MID1: variants seen among roughly 807,000 people sequenced by gnomAD.
MID1 encodes E3 ubiquitin-protein ligase Midline-1.
In MID1, 7 loss-of-function variants were observed where a neutral mutation model predicts 40.4. The ratio of observed to expected loss-of-function variants is 0.17; its 90% confidence interval spans 0.10 to 0.33. The LOEUF (loss-of-function observed/expected upper bound fraction) is 0.33, where lower values mean the gene tolerates loss of function less well. Among genes scored for constraint, MID1 ranks in the 10% least tolerant of loss-of-function variants. The pLI is 1.00. For synonymous variants in MID1, 229 were observed against 221.2 expected (o/e 1.04, Z -0.31); for missense variants, 367 against 558.5 (o/e 0.66, Z 3.46).
chrX:10,664,805 C>T (rs1310266173), intron 1 of MID1, among the ~76,000 whole-genome samples: 1 of 112,133 alleles, frequency 8.9e-6, no homozygotes, highest in Non-Finnish European at 1.9e-5. Context: ...TTCTTGCACA[C>T]ACTTCTGGGT....
At chrX:10,817,560 CTTT>C in intron 1 of MID1, among the ~76,000 whole-genome samples, 1 of 93,509 alleles carries the variant, frequency 1.1e-5, no homozygotes, top group Non-Finnish European at 2.1e-5. Context: ...TTCTTTCTTT[CTTT>C]CTTTCTTTCT....
At chrX:10,766,637 G>A (rs2043731512) in intron 1 of MID1, among the ~76,000 whole-genome samples, 1 of 111,995 alleles carries the variant, frequency 8.9e-6, no homozygotes, top group African/African-American at 3.2e-5. Flanking sequence ...GAACTGGGTA[G>A]GGCTGGACAT....
chrX:10,594,320 T>G (rs765540165), intron 1 of MID1, among the ~76,000 whole-genome samples: 3 of 111,757 alleles, frequency 2.7e-5, no homozygotes, highest in African/African-American at 9.8e-5. Context: ...TGTCCTTCTA[T>G]CTGTACTGTC....
In MID1 at chrX:10,821,652, A is replaced by G. The variant is rs781373509; in HGVS notation, c.-187+11902T>C. ...ATTTTTAGCATCCACCAGCTCAAACACAATGCCCGTGTTTGTCTCATTTCT... is the reference window on the plus strand; with the variant it reads ...ATTTTTAGCATCCACCAGCTCAAACGCAATGCCCGTGTTTGTCTCATTTCT... On this transcript the variant is annotated intron_variant, in intron 1 of 10. Transcript: ENST00000380785. Among the ~76,000 whole-genome samples the G allele has an allele frequency of 6.2e-5, 7 of 112,658 alleles. No homozygotes were observed. In the East Asian group the frequency reaches 1.9e-3, roughly 31 times the overall value.
chrX:10,522,782 CA>C (rs1159200483), intron 3 of MID1, among the ~76,000 whole-genome samples: 1 of 112,107 alleles, frequency 8.9e-6, no homozygotes, highest in East Asian at 2.8e-4. Context: ...AGGCGTGAGC[CA>C]CCACGCCCGG....
chrX:10,788,856 T>C (rs1421458035), intron 1 of MID1, among the ~76,000 whole-genome samples: 1 of 112,317 alleles, frequency 8.9e-6, no homozygotes, highest in Non-Finnish European at 1.9e-5. Context: ...TTCAGTCGGA[T>C]GTGGCGGCTT....
intron 1 of MID1, among the ~76,000 whole-genome samples, chrX:10,798,181 G>A (rs1289676726): frequency 5.4e-5 from 6 of 111,914 alleles, no homozygotes; most frequent in Non-Finnish European, 1.1e-4. Flanking sequence ...ATTCTCCAAA[G>A]CTCCACTCCC....
chrX:10,600,224 G>A (rs933041669), intron 1 of MID1, among the ~76,000 whole-genome samples: 3 of 110,562 alleles, frequency 2.7e-5, no homozygotes, highest in African/African-American at 6.6e-5. Flanking sequence ...ATTTTGGGTG[G>A]CTGAGGTGGG....
upstream of MID1, among the ~76,000 whole-genome samples, chrX:10,625,461 G>T (rs1273745443): frequency 8.9e-6 from 1 of 112,444 alleles, no homozygotes; most frequent in Non-Finnish European, 1.9e-5. Context: ...TATATCCATT[G>T]CAACAACAAG....
intron 7 of MID1, among the ~76,000 whole-genome samples, chrX:10,465,214 T>TATATATATATATACACACACACAC (rs1477864693): frequency 5.0e-5 from 2 of 39,900 alleles, no homozygotes; most frequent in Non-Finnish European, 8.3e-5. Context: ...TATATATATA[T>TATATATATATATACACACACACAC]ACACACACAC....
chrX:10,536,022 C>T (rs1167769066), intron 2 of MID1, among the ~76,000 whole-genome samples: 1 of 108,688 alleles, frequency 9.2e-6, no homozygotes, highest in Non-Finnish European at 1.9e-5. Flanking sequence ...GAGTTTGAGA[C>T]CAGCCTGGGC....
Position 10,613,766 on chromosome X carries a change from G to C in MID1, c.-57+6524C>G, listed in dbSNP as rs181372657. On this transcript the variant is annotated intron_variant, in intron 1 of 9. Coordinates refer to ENST00000317552, the MANE Select transcript of MID1 (RefSeq NM_000381.4). The stretch of plus-strand genomic sequence containing the variant: ...AGAGAGAGAGAGAGAGAGAGAGAGA[G>C]AGACAGACAGACAGACAGACAGACA... Among the ~76,000 whole-genome samples the C allele has an allele frequency of 6.0e-3, 450 of 75,437 alleles. 2 individuals carry two copies. Among genetic ancestry groups the C allele is most frequent in the Non-Finnish European group, 7.7e-3 (319 of 41,214 alleles). The allele number at this position is 75,437 out of a possible 115,157, so 65.5% of individuals were successfully genotyped here.
intron 1 of MID1, among the ~76,000 whole-genome samples, chrX:10,601,575 G>A (rs1935519267): frequency 9.0e-6 from 1 of 111,551 alleles, no homozygotes; most frequent in Admixed American, 9.5e-5. Flanking sequence ...ATGAACAAGG[G>A]TGCTGACCCC....
At chrX:10,636,151 G>C (rs1384891967) in intron 1 of MID1, among the ~76,000 whole-genome samples, 1 of 112,062 alleles carries the variant, frequency 8.9e-6, no homozygotes, top group Non-Finnish European at 1.9e-5. Flanking sequence ...TAGAAACCAT[G>C]TGGAAGTAAG....
At chrX:10,696,744 G>A (rs1738289554) in intron 1 of MID1, among the ~76,000 whole-genome samples, 2 of 112,070 alleles carry the variant, frequency 1.8e-5, no homozygotes, top group Admixed American at 9.5e-5. Context: ...TAATACATAT[G>A]TGGCTGGCAT....
In MID1 at chrX:10,482,616, G is replaced by T; in HGVS notation, c.877C>A (p.Arg293Ser). 8.3e-7 allele frequency: 1 copy of T among 1,210,484 alleles called. No individual in the cohort carries two copies. The highest frequency in any genetic ancestry group is 3.0e-5 in the East Asian group (1 of 33,838). Residue 293 changes from arginine to serine, a missense_variant, in exon 5 of 10, where the codon CGC (arginine) becomes AGC (serine). Physicochemically the swap from Arg to Ser is moderately radical, Grantham distance 110 (BLOSUM62 -1). This residue lies in a region of MID1 where 275 missense variants were observed against 383.1 expected (regional missense o/e 0.72). Transcript: ENST00000317552. ...TTTGCAATCTGCTGAGCCAGTTTGCGAAGCCTCATCACCTTGAACAAAAGA... is the reference window on the plus strand; with the variant it reads ...TTTGCAATCTGCTGAGCCAGTTTGCTAAGCCTCATCACCTTGAACAAAAGA... ...KIKEGKVMRLRKLAQQIANCK... is the reference protein window; with the variant it reads ...KIKEGKVMRLSKLAQQIANCK...
intron 9 of MID1, among the ~76,000 whole-genome samples, chrX:10,450,054 C>T (rs1471842203): frequency 8.9e-6 from 1 of 112,506 alleles, no homozygotes; most frequent in Non-Finnish European, 1.9e-5. Flanking sequence ...TAGACCAGTG[C>T]TGACCAAAAG....
chrX:10,687,880 C>CT (rs887297678), intron 1 of MID1, among the ~76,000 whole-genome samples: 6 of 110,560 alleles, frequency 5.4e-5, no homozygotes, highest in Admixed American at 2.9e-4. Context: ...TGCCTACCTA[C>CT]TTTTTTTTCT....
intron 2 of MID1, among the ~76,000 whole-genome samples, chrX:10,543,738 G>C (rs997235479): frequency 1.8e-5 from 2 of 111,230 alleles, no homozygotes; most frequent in African/African-American, 6.5e-5. Flanking sequence ...AGCCACTTGG[G>C]AGGCTGAAGC....
Sources: gnomAD v4.1 joint callset for allele counts (sites outside exome capture counted in the v4.1 genomes callset) on GRCh38, gnomAD v4.1.1 for gene constraint, gnomAD v4.1.1 regional missense constraint, MANE v1.5 for transcripts, NCBI Gene and HGNC (gene_info 2026-07-23, HGNC 2026-07-21) for gene names.